ANO3: variants seen among roughly 807,000 people sequenced by gnomAD.
ANO3 encodes the protein anoctamin 3.
In ANO3, 99 loss-of-function variants were observed where a neutral mutation model predicts 144.8. The observed-to-expected ratio is 0.68, with a 90% CI of 0.58 to 0.81. ANO3 has a LOEUF of 0.81. Ranked by LOEUF, ANO3 falls within the 30% of genes least tolerant of loss-of-function variation. The pLI is 0.00. For missense variants in ANO3, 905 were observed against 1,202.2 expected (o/e 0.75, Z 3.66); for synonymous variants, 414 against 392.6 (o/e 1.05, Z -0.64).
chr11:26,638,028 T>TA (rs902772122), intron 20 of ANO3, among the ~76,000 whole-genome samples: 62 of 152,292 alleles, frequency 4.1e-4, no homozygotes, highest in Non-Finnish European at 8.1e-4. Flanking sequence ...ATTGAAAATC[T>TA]AAAAAAGCAG....
chr11:26,215,164 T>C (rs988949743), intron 1 of ANO3, among the ~76,000 whole-genome samples: 5 of 151,970 alleles, frequency 3.3e-5, no homozygotes, highest in African/African-American at 9.7e-5. Context: ...CTGTACTCTT[T>C]AGAAGGAGCT....
chr11:26,452,916 C>G (rs957039037), intron 3 of ANO3, among the ~76,000 whole-genome samples: 8 of 152,214 alleles, frequency 5.3e-5, no homozygotes, highest in Non-Finnish European at 1.2e-4. Flanking sequence ...GAGAGTGGGG[C>G]CCAATATTCA....
intron 1 of ANO3, among the ~76,000 whole-genome samples, chr11:26,191,613 GCT>G (rs762047619): frequency 6.7e-4 from 102 of 152,206 alleles, no homozygotes; most frequent in Middle Eastern, 3.4e-3. Context: ...TATGATTTAA[GCT>G]CTGTTTTTTT....
chr11:26,346,460 A>T (rs1487905255), intron 1 of ANO3, among the ~76,000 whole-genome samples: 2 of 152,190 alleles, frequency 1.3e-5, no homozygotes, highest in African/African-American at 4.8e-5. Flanking sequence ...CATCTCAAAA[A>T]GACTCTCATT....
intron 1 of ANO3, among the ~76,000 whole-genome samples, chr11:26,289,696 A>ATG (rs1404302003): frequency 9.9e-6 from 1 of 100,910 alleles, no homozygotes; most frequent in Non-Finnish European, 2.1e-5. Context: ...TATATTCTAT[A>ATG]TGTGTATATA....
At chr11:26,477,467 A>T (rs1278559636) in intron 4 of ANO3, among the ~76,000 whole-genome samples, 1 of 152,100 alleles carries the variant, frequency 6.6e-6, no homozygotes, top group Non-Finnish European at 1.5e-5. Context: ...TTCTGAATGA[A>T]GGCTTTTTCT....
chr11:26,199,046 T>C (rs1851641838), intron 1 of ANO3, among the ~76,000 whole-genome samples: 1 of 152,160 alleles, frequency 6.6e-6, no homozygotes, highest in Middle Eastern at 3.4e-3. Context: ...TCCTAATTAA[T>C]AGCATTGGCC....
chr11:26,569,647 G>T (rs772815353), intron 14 of ANO3, among the ~76,000 whole-genome samples: 12 of 152,088 alleles, frequency 7.9e-5, no homozygotes, highest in Non-Finnish European at 1.2e-4. Flanking sequence ...ATGGAGGTGG[G>T]ACAGCAACTC....
At chr11:26,594,119 C>G (rs556387780) in intron 14 of ANO3, among the ~76,000 whole-genome samples, 5 of 152,268 alleles carry the variant, frequency 3.3e-5, no homozygotes, top group African/African-American at 1.2e-4. Flanking sequence ...TTCTTCCTTT[C>G]CCTGTGTTAT....
intron 14 of ANO3, chr11:26,565,671 G>A (rs1850547258): frequency 6.2e-7 from 1 of 1,606,662 alleles, no homozygotes; most frequent in South Asian, 1.1e-5. Flanking sequence ...ATTTGAGGTG[G>A]TTATATTTTC....
At chr11:26,225,890 T>A (rs1852247103) in intron 1 of ANO3, among the ~76,000 whole-genome samples, 1 of 152,164 alleles carries the variant, frequency 6.6e-6, no homozygotes, top group South Asian at 2.1e-4. Flanking sequence ...CAACAGATGG[T>A]AGAAATATTC....
At chr11:26,424,057 AAATAAGTG>A (rs769120065) in intron 1 of ANO3, among the ~76,000 whole-genome samples, 3 of 151,986 alleles carry the variant, frequency 2.0e-5, no homozygotes, top group Non-Finnish European at 2.9e-5. Flanking sequence ...ATTAAAGGAT[AAATAAGTG>A]AATTAAGTAA....
intron 7 of ANO3, among the ~76,000 whole-genome samples, chr11:26,526,300 GAA>G (rs1849161364): frequency 6.6e-6 from 1 of 152,126 alleles, no homozygotes; most frequent in Non-Finnish European, 1.5e-5. Context: ...TGAGACAGAA[GAA>G]ACTCTTCCAT....
rs1853559745 is a variant in ANO3 at position 26,276,326 on chromosome 11, A to G, written c.155-33319A>G. On this transcript the variant is annotated intron_variant, in intron 1 of 27. Transcript: ENST00000672621. Reference sequence around the variant, plus strand: ...AGGAAGATCTGGGAAAGAACTCAGGAATTAAAATTTTAGCAACCATCCCCA... The same window carrying G: ...AGGAAGATCTGGGAAAGAACTCAGGGATTAAAATTTTAGCAACCATCCCCA... Among the ~76,000 whole-genome samples the G allele has an allele frequency of 2.6e-5, 4 of 152,158 alleles. No individual in the cohort carries two copies. The South Asian group carries it at 8.3e-4, about 31-fold the overall frequency.
chr11:26,344,611 C>T (rs548229150), intron 1 of ANO3, among the ~76,000 whole-genome samples: 2 of 152,134 alleles, frequency 1.3e-5, no homozygotes, highest in South Asian at 2.1e-4. Context: ...GTGATCCGCC[C>T]GCCTCGGTCT....
At chr11:26,402,426 C>A (rs1029599523) in intron 1 of ANO3, among the ~76,000 whole-genome samples, 5 of 151,974 alleles carry the variant, frequency 3.3e-5, no homozygotes, top group African/African-American at 1.2e-4. Flanking sequence ...TGATTGTTAA[C>A]CCCATGTATG....
At chr11:26,209,825 T>G (rs906100327) in intron 1 of ANO3, among the ~76,000 whole-genome samples, 1 of 143,502 alleles carries the variant, frequency 7.0e-6, no homozygotes, top group East Asian at 2.0e-4. Flanking sequence ...TGCCCACTTT[T>G]GGATGGGGCT....
rs60855252 is a variant in ANO3, at chr11:26,412,795, AGT to A, written c.47-29090_47-29089del. On this transcript the variant is annotated intron_variant, in intron 1 of 26. Coordinates refer to ENST00000256737, the MANE Select transcript of ANO3 (RefSeq NM_031418.4). ...CCACTTTTAAGGGCAGAGAAAGGAA[AGT>A]GTGTGTGTGTGTGTGTGTGTGTGTG... Among the ~76,000 whole-genome samples, 503 of 140,220 alleles carry A rather than the reference AGT, an allele frequency of 3.6e-3. 5 individuals carry two copies. Among genetic ancestry groups the A allele is most frequent in the Non-Finnish European group, 2.8e-3 (184 of 64,794 alleles). 92.0% of individuals were successfully genotyped at this position (140,220 alleles called of 152,430 possible). A position where few individuals can be genotyped will look rare whatever the true frequency, so the allele number is the denominator to read the frequency against.
At chr11:26,498,365 T>G (rs1214659408) in intron 4 of ANO3, among the ~76,000 whole-genome samples, 1 of 151,692 alleles carries the variant, frequency 6.6e-6, no homozygotes, top group Non-Finnish European at 1.5e-5. Flanking sequence ...AAGGCTATTA[T>G]TATTCCTATT....
Sources: gnomAD v4.1 joint callset for allele counts (sites outside exome capture counted in the v4.1 genomes callset) on GRCh38, gnomAD v4.1.1 for gene constraint, MANE v1.5 for transcripts, NCBI Gene and HGNC (gene_info 2026-07-23, HGNC 2026-07-21) for gene names.